Variants in NPIPB2 observed in about 807,000 individuals in gnomAD.
NPIPB2 encodes nuclear pore complex interacting protein family member B2.
NPIPB2 carries 27 observed loss-of-function variants against 30.8 expected under a neutral mutation model. The ratio of observed to expected loss-of-function variants is 0.88; its 90% CI spans 0.65 to 1.21. The LOEUF is 1.21. Ranked by LOEUF, NPIPB2 falls within the 50% of genes most tolerant of loss-of-function variation. The pLI is 0.00. For missense variants in NPIPB2, 440 were observed against 446.2 expected (o/e 0.99, Z 0.13); for synonymous variants, 147 against 162.0 (o/e 0.91, Z 0.70).
intron 1 of NPIPB2, chr16:11,968,704 T>A (rs1383590844): frequency 6.6e-6 from 1 of 152,074 alleles, no homozygotes; most frequent in African/African-American, 2.4e-5. Flanking sequence ...CTCCACACTA[T>A]CCACTCTCCA....
At chr16:11,953,096 A>C (rs570056621) in intron 1 of NPIPB2, among the ~76,000 whole-genome samples, 32 of 152,126 alleles carry the variant, frequency 2.1e-4, no homozygotes, top group Non-Finnish European at 3.7e-4. Flanking sequence ...AATTTATTTA[A>C]CCATTTGACG....
chr16:11,943,573 A>G (rs185679675), upstream of NPIPB2, among the ~76,000 whole-genome samples: 283 of 150,968 alleles, frequency 1.9e-3, 8 homozygotes, highest in East Asian at 0.044. Flanking sequence ...ATGGTGGCAC[A>G]CGCCTGTAAT....
intron 1 of NPIPB2, among the ~76,000 whole-genome samples, chr16:11,939,155 C>G (rs2054905409): frequency 6.6e-6 from 1 of 151,764 alleles, no homozygotes; most frequent in Non-Finnish European, 1.5e-5. Context: ...AATAATACTT[C>G]TCTCTTGGAT....
chr16:11,933,560 G>T (rs1360464431), exon 4 of NPIPB2: 1 of 1,596,942 alleles, frequency 6.3e-7, no homozygotes, highest in Non-Finnish European at 8.5e-7. Flanking sequence ...TTGTCATGAT[G>T]GTTGATTTTC....
chr16:11,936,334 G>C (rs1465659737), intron 2 of NPIPB2, among the ~76,000 whole-genome samples: 2 of 151,706 alleles, frequency 1.3e-5, no homozygotes, highest in Non-Finnish European at 2.9e-5. Context: ...AAAGAAAAAA[G>C]CTTCCTCCAA....
chr16:11,948,708 A>G (rs1170052536), intron 1 of NPIPB2, among the ~76,000 whole-genome samples: 1 of 130,430 alleles, frequency 7.7e-6, no homozygotes, highest in Non-Finnish European at 1.6e-5. Context: ...CAGAGCTTGC[A>G]GTGAGCCGAG....
chr16:11,941,478 A>G (rs2150918976), intron 1 of NPIPB2, among the ~76,000 whole-genome samples: 1 of 149,754 alleles, frequency 6.7e-6, no homozygotes, highest in African/African-American at 2.5e-5. Flanking sequence ...GGGGTCTGGG[A>G]AAGGATCCGG....
chr16:11,945,103 C>T (rs536649504), upstream of NPIPB2, among the ~76,000 whole-genome samples: 1 of 152,212 alleles, frequency 6.6e-6, no homozygotes, highest in East Asian at 1.9e-4. Flanking sequence ...AGAAGAATCG[C>T]TTGAACCCGG....
At chr16:11,966,901 A>T (rs1212516793) in intron 1 of NPIPB2, 1 of 152,984 alleles carries the variant, frequency 6.5e-6, no homozygotes, top group Non-Finnish European at 1.5e-5. Context: ...GCCTCTTAAG[A>T]TAAAAATACT....
intron 1 of NPIPB2, among the ~76,000 whole-genome samples, chr16:11,971,174 T>C (rs1013299186): frequency 2.0e-5 from 3 of 152,120 alleles, no homozygotes; most frequent in South Asian, 2.1e-4. Flanking sequence ...AGCATTTTCA[T>C]CTGCTACATT....
chr16:11,969,333 C>G (rs1257789329), intron 1 of NPIPB2, among the ~76,000 whole-genome samples: 1 of 152,112 alleles, frequency 6.6e-6, no homozygotes, highest in Non-Finnish European at 1.5e-5. Flanking sequence ...TCTCAGCTCA[C>G]TGCAACCTCT....
chr16:11,927,696 G>C, exon 8 of NPIPB2: 2 of 1,600,578 alleles, frequency 1.2e-6, no homozygotes, highest in Non-Finnish European at 1.7e-6. Context: ...TCCGCTGAGG[G>C]TGGAAGGGGA....
intron 4 of NPIPB2, among the ~76,000 whole-genome samples, chr16:11,933,042 C>T (rs2054812082): frequency 6.6e-6 from 1 of 150,902 alleles, no homozygotes; most frequent in East Asian, 1.9e-4. Flanking sequence ...AGGTGGATTA[C>T]CTGAGGTCAG....
intron 1 of NPIPB2, among the ~76,000 whole-genome samples, chr16:11,971,866 G>C (rs1357288178): frequency 2.6e-4 from 40 of 152,142 alleles, no homozygotes; most frequent in Non-Finnish European, 2.9e-5. Flanking sequence ...TTTAGAATCA[G>C]CCAGGCGTAG....
intron 1 of NPIPB2, among the ~76,000 whole-genome samples, chr16:11,975,369 G>C (rs1171951026): frequency 6.7e-5 from 10 of 149,218 alleles, no homozygotes; most frequent in East Asian, 2.0e-4. Flanking sequence ...GGATGGTCTC[G>C]ATCTCCTGAC....
At chr16:11,964,099 T>G (rs894377639) in intron 1 of NPIPB2, 1 of 151,484 alleles carries the variant, frequency 6.6e-6, no homozygotes, top group Admixed American at 6.6e-5. Flanking sequence ...TATATAAATG[T>G]ATCTATCTAG....
In NPIPB2 at chr16:11,965,660, CAT is replaced by C. The variant is rs369064553; in HGVS notation, c.-584+10906_-584+10907del. Among the ~76,000 whole-genome samples the C allele has an allele frequency of 3.7e-4, 56 of 152,114 alleles. 1 individual carries two copies. Among genetic ancestry groups the C allele is most frequent in the African/African-American group, 1.3e-3 (56 of 41,488 alleles). On this transcript the variant is annotated intron_variant, in intron 1 of 5. Coordinates refer to the NPIPB2 transcript ENST00000538896. Reference sequence around the variant, plus strand: ...TGATATGATTCAGCACTATTAGCAACATAGATTTTTTTTAAAAATCAGCTCTT... The same window carrying C: ...TGATATGATTCAGCACTATTAGCAACAGATTTTTTTTAAAAATCAGCTCTT...
At chr16:11,975,151 T>C (rs1326144827) in intron 1 of NPIPB2, among the ~76,000 whole-genome samples, 2 of 66,890 alleles carry the variant, frequency 3.0e-5, no homozygotes, top group East Asian at 9.8e-4. Context: ...CTTTTTTTTT[T>C]TTTTTTTTTT....
intron 1 of NPIPB2, among the ~76,000 whole-genome samples, chr16:11,950,456 C>A (rs1310994188): frequency 6.6e-6 from 1 of 152,188 alleles, no homozygotes; most frequent in African/African-American, 2.4e-5. Context: ...AGGCCTGAAC[C>A]ACCATGCCCG....
Sources: allele counts gnomAD v4.1 joint callset (sites outside exome capture counted in the v4.1 genomes callset), GRCh38; gene constraint gnomAD v4.1.1; transcripts MANE v1.5; gene names NCBI Gene and HGNC (gene_info 2026-07-23, HGNC 2026-07-21).